FOXP2: variants seen among roughly 807,000 people sequenced by gnomAD.
FOXP2 encodes forkhead box P2, also known as forkhead box protein P2.
In FOXP2, 12 loss-of-function variants were observed where a neutral mutation model predicts 115.8. The observed-to-expected ratio is 0.10, with a 90% CI of 0.07 to 0.17. The LOEUF is 0.17. Ranked by LOEUF, FOXP2 falls within the 10% of genes least tolerant of loss-of-function variation. The pLI is 1.00. For synonymous variants in FOXP2, 328 were observed against 297.7 expected, an observed-to-expected ratio of 1.10 and a Z score of -1.05; for missense variants, 629 against 843.5, an observed-to-expected ratio of 0.75 and a Z score of 3.15.
chr7:114,464,780 A>T (rs1665416110), intron 2 of FOXP2, among the ~76,000 whole-genome samples: 1 of 152,234 alleles, frequency 6.6e-6, no homozygotes, highest in Non-Finnish European at 1.5e-5. Context: ...TCATGGCTAT[A>T]TGGTTTTATC....
chr7:114,243,115 G>A (rs1326849623), intron 1 of FOXP2, among the ~76,000 whole-genome samples: 2 of 152,088 alleles, frequency 1.3e-5, no homozygotes, highest in Admixed American at 6.5e-5. Context: ...GGGGATTGAG[G>A]TGGGTCAAGT....
intron 2 of FOXP2, among the ~76,000 whole-genome samples, chr7:114,318,745 A>G (rs928708706): frequency 1.1e-4 from 16 of 151,852 alleles, no homozygotes; most frequent in Non-Finnish European, 1.9e-4. Context: ...ACGCACAGAC[A>G]TATGGAATGT....
chr7:114,577,828 A>G (rs1801652767), intron 3 of FOXP2, among the ~76,000 whole-genome samples: 2 of 151,996 alleles, frequency 1.3e-5, no homozygotes, highest in African/African-American at 4.8e-5. Context: ...TACAACAGCC[A>G]GTATAGAATG....
intron 2 of FOXP2, among the ~76,000 whole-genome samples, chr7:114,429,295 G>T (rs1175474055): frequency 6.6e-6 from 1 of 151,262 alleles, no homozygotes; most frequent in Non-Finnish European, 1.5e-5. Flanking sequence ...CTGAAAGCTA[G>T]GATATCTTTA....
intron 16 of FOXP2, among the ~76,000 whole-genome samples, chr7:114,685,187 A>G (rs1000056243): frequency 6.6e-6 from 1 of 152,176 alleles, no homozygotes; most frequent in African/African-American, 2.4e-5. Context: ...TCTAACTTGC[A>G]AATTGGCTAT....
upstream of FOXP2, among the ~76,000 whole-genome samples, chr7:114,411,700 T>C (rs1793165800): frequency 6.6e-6 from 1 of 152,124 alleles, no homozygotes; most frequent in South Asian, 2.1e-4. Flanking sequence ...GCTTTCAAGA[T>C]TGGTATTTAA....
At chr7:114,213,798 A>G (rs1394713051) in intron 1 of FOXP2, among the ~76,000 whole-genome samples, 1 of 152,210 alleles carries the variant, frequency 6.6e-6, no homozygotes, top group Non-Finnish European at 1.5e-5. Flanking sequence ...TGTTATAACA[A>G]TTAATAAGAA....
At chr7:114,680,621 A>G (rs1002003285) in intron 16 of FOXP2, among the ~76,000 whole-genome samples, 2 of 152,084 alleles carry the variant, frequency 1.3e-5, no homozygotes, top group South Asian at 2.1e-4. Flanking sequence ...GCCTTAAGCT[A>G]TGTTAAAAAT....
At chr7:114,364,587 C>G in intron 2 of FOXP2, among the ~76,000 whole-genome samples, 1 of 152,266 alleles carries the variant, frequency 6.6e-6, no homozygotes, top group African/African-American at 2.4e-5. Context: ...AGATAAAATA[C>G]TTTCTTCCTT....
chr7:114,277,687 C>G (rs765214899), intron 1 of FOXP2, among the ~76,000 whole-genome samples: 1 of 151,778 alleles, frequency 6.6e-6, no homozygotes, highest in Non-Finnish European at 1.5e-5. Flanking sequence ...GTTTTTAAAT[C>G]TTATCACTTA....
intron 1 of FOXP2, among the ~76,000 whole-genome samples, chr7:114,172,056 A>G (rs1388696360): frequency 1.3e-5 from 2 of 152,164 alleles, no homozygotes; most frequent in Admixed American, 1.3e-4. Flanking sequence ...TAAGTGAGGA[A>G]TTGCTTCCTA....
intron 2 of FOXP2, among the ~76,000 whole-genome samples, chr7:114,523,144 C>A (rs1798702521): frequency 6.6e-6 from 1 of 151,990 alleles, no homozygotes; most frequent in Non-Finnish European, 1.5e-5. Context: ...TTACATTACC[C>A]TGTAAAATTT....
At chr7:114,408,658 C>T (rs963710425) in intron 2 of FOXP2, among the ~76,000 whole-genome samples, 7 of 151,958 alleles carry the variant, frequency 4.6e-5, no homozygotes, top group Non-Finnish European at 7.4e-5. Flanking sequence ...ACCTGGGAGG[C>T]AGAGGTTGGA....
intron 3 of FOXP2, among the ~76,000 whole-genome samples, chr7:114,594,353 A>G (rs893636184): frequency 1.3e-5 from 2 of 152,028 alleles, no homozygotes; most frequent in African/African-American, 4.8e-5. Context: ...CCTCACCCAC[A>G]TCTTCCACTT....
chr7:114,226,736 A>G (rs1276793235), intron 1 of FOXP2, among the ~76,000 whole-genome samples: 4 of 152,052 alleles, frequency 2.6e-5, no homozygotes. Flanking sequence ...TGCAAATATC[A>G]TTATTATGTC....
intron 2 of FOXP2, among the ~76,000 whole-genome samples, chr7:114,289,243 C>G (rs534851600): frequency 6.6e-6 from 1 of 151,744 alleles, no homozygotes; most frequent in African/African-American, 2.4e-5. Flanking sequence ...CCTTTGGCAA[C>G]CTTTTACTTC....
intron 2 of FOXP2, among the ~76,000 whole-genome samples, chr7:114,335,354 T>C (rs1319289300): frequency 6.6e-6 from 1 of 151,920 alleles, no homozygotes; most frequent in Non-Finnish European, 1.5e-5. Flanking sequence ...TCACAAAATG[T>C]TTTGTAAAAG....
chr7:114,389,196 A>G (rs17137004), intron 2 of FOXP2, among the ~76,000 whole-genome samples: 55,894 of 152,142 alleles, frequency 0.37, 10,857 homozygotes, highest in African/African-American at 0.46. Context: ...TGAAATAAAG[A>G]TACTGTTCCA....
intron 2 of FOXP2, among the ~76,000 whole-genome samples, chr7:114,304,881 G>C (rs1796974939): frequency 6.6e-6 from 1 of 151,900 alleles, no homozygotes; most frequent in Admixed American, 6.6e-5. Flanking sequence ...TTTAAGAATA[G>C]AATAGAACAT....
Sources: gnomAD v4.1 joint callset for allele counts (sites outside exome capture counted in the v4.1 genomes callset) on GRCh38, gnomAD v4.1.1 for gene constraint, MANE v1.5 for transcripts, NCBI Gene and HGNC (gene_info 2026-07-23, HGNC 2026-07-21) for gene names.